Variants in MAPK10 observed in about 807,000 individuals in gnomAD.
MAPK10 encodes the protein mitogen-activated protein kinase 10, also known as JNK3 alpha protein kinase.
MAPK10 carries 25 observed loss-of-function variants against 59.3 expected under a neutral mutation model. The observed-to-expected ratio is 0.42, with a 90% confidence interval of 0.31 to 0.59. MAPK10 has a LOEUF of 0.59. MAPK10 is among the 20% of genes least tolerant of loss of function. MAPK10 has a pLI of 0.15. For missense variants in MAPK10, 351 were observed against 568.9 expected, an observed-to-expected ratio of 0.62 and a Z score of 3.90; for synonymous variants, 190 against 200.5, an observed-to-expected ratio of 0.95 and a Z score of 0.44.
chr4:86,375,932 A>G (rs1349637971), intron 1 of MAPK10, among the ~76,000 whole-genome samples: 1 of 152,074 alleles, frequency 6.6e-6, no homozygotes, highest in Non-Finnish European at 1.5e-5. Context: ...TCTCAGTTCC[A>G]CATGTTTAAC....
chr4:86,564,951 T>C (rs778450236), intron 1 of MAPK10, among the ~76,000 whole-genome samples: 11 of 152,156 alleles, frequency 7.2e-5, no homozygotes, highest in Non-Finnish European at 1.3e-4. Context: ...GCTTAATGAT[T>C]TGGCATCTCG....
At chr4:86,362,760 CA>C (rs1473647695), upstream of MAPK10, among the ~76,000 whole-genome samples, 1 of 152,054 alleles carries the variant, frequency 6.6e-6, no homozygotes, top group African/African-American at 2.4e-5. Context: ...TTCATGCCCA[CA>C]AAAGTGACTA....
chr4:86,264,655 T>G (rs1239844930), intron 2 of MAPK10, among the ~76,000 whole-genome samples: 1 of 152,212 alleles, frequency 6.6e-6, no homozygotes, highest in Non-Finnish European at 1.5e-5. Flanking sequence ...AAACTTAATT[T>G]ACAGTGAGAT....
rs575017639 is a variant in MAPK10, at chr4:86,290,018, T to C, written c.-7+64512A>G. 1.1e-3 allele frequency among the ~76,000 whole-genome samples: 171 copies of C among 152,294 alleles called. 1 individual carries two copies. The highest frequency in any genetic ancestry group is 2.1e-3 in the South Asian group (10 of 4,828). On this transcript the variant is annotated intron_variant, in intron 2 of 13. Transcript: ENST00000641462. ...AATTTGAGATGAGTATTTGACTGTG[T>C]AGATGAAATGTTAAGTGAGCAATTG...
intron 3 of MAPK10, among the ~76,000 whole-genome samples, chr4:86,178,101 C>T (rs2076096185): frequency 1.3e-5 from 2 of 151,918 alleles, no homozygotes; most frequent in Admixed American, 1.3e-4. Flanking sequence ...TTTCTTATCT[C>T]CAGTAGTATT....
chr4:86,313,330 A>G (rs762553876), intron 2 of MAPK10, among the ~76,000 whole-genome samples: 2 of 152,138 alleles, frequency 1.3e-5, no homozygotes, highest in Non-Finnish European at 2.9e-5. Context: ...ATAGGCAAAT[A>G]TTTCTTCAAA....
At chr4:86,092,374 T>C (rs2053410776) in intron 9 of MAPK10, among the ~76,000 whole-genome samples, 1 of 152,000 alleles carries the variant, frequency 6.6e-6, no homozygotes, top group African/African-American at 2.4e-5. Context: ...ATTACAAAAA[T>C]TGAATATATG....
At position 86,415,407 on chromosome 4, in the gene MAPK10, A is replaced by C. The variant is rs1179970485; in HGVS notation, c.-122+37623T>G. Among the ~76,000 whole-genome samples, 12 of 152,316 alleles carry C rather than the reference A, an allele frequency of 7.9e-5. No homozygotes were observed. In the East Asian group the frequency reaches 2.3e-3, roughly 29 times the overall value. ...TAAGGGCAAATAGAGTTCTCCTATG[A>C]AAAACTGTAAGGCAGCATTATTACA... On this transcript the variant is annotated intron_variant, in intron 1 of 13. Transcript: ENST00000361569.
chr4:86,346,660 A>G (rs1012564165), intron 2 of MAPK10, among the ~76,000 whole-genome samples: 8 of 151,782 alleles, frequency 5.3e-5, no homozygotes, highest in Non-Finnish European at 1.2e-4. Context: ...TCAGCCTTAT[A>G]GGAAAAGTCA....
At chr4:86,386,167 C>T (rs1741430206) in intron 1 of MAPK10, among the ~76,000 whole-genome samples, 1 of 152,216 alleles carries the variant, frequency 6.6e-6, no homozygotes, top group Admixed American at 6.5e-5. Flanking sequence ...CTACACAACA[C>T]TACATCTCTA....
chr4:86,437,987 A>C (rs1455095490), intron 1 of MAPK10, among the ~76,000 whole-genome samples: 1 of 152,266 alleles, frequency 6.6e-6, no homozygotes, highest in Non-Finnish European at 1.5e-5. Context: ...AGTCAAACAA[A>C]AATGAAAGTA....
chr4:86,424,207 T>G (rs1173443171), intron 1 of MAPK10, among the ~76,000 whole-genome samples: 1 of 152,052 alleles, frequency 6.6e-6, no homozygotes, highest in African/African-American at 2.4e-5. Flanking sequence ...ATTTTTATTG[T>G]TTTTATTTAT....
At chr4:86,032,344 G>GA (rs1232371021) in intron 11 of MAPK10, 24 of 145,826 alleles carry the variant, frequency 1.6e-4, no homozygotes, top group South Asian at 4.4e-4. Flanking sequence ...GATATGGAAA[G>GA]AAAAAAAAAA....
At chr4:86,324,207 G>A (rs568557183) in intron 2 of MAPK10, among the ~76,000 whole-genome samples, 1 of 152,182 alleles carries the variant, frequency 6.6e-6, no homozygotes, top group African/African-American at 2.4e-5. Context: ...AGGAGTTCGA[G>A]ACCAGCCTGA....
At chr4:86,259,747 C>T (rs975450859) in intron 2 of MAPK10, among the ~76,000 whole-genome samples, 22 of 152,014 alleles carry the variant, frequency 1.4e-4, no homozygotes, top group Middle Eastern at 3.4e-3. Context: ...ACAACATTAC[C>T]ATCCAAGCCA....
At chr4:86,378,321 A>G (rs1275551791) in intron 1 of MAPK10, among the ~76,000 whole-genome samples, 1 of 151,966 alleles carries the variant, frequency 6.6e-6, no homozygotes, top group Non-Finnish European at 1.5e-5. Context: ...GCACTTGCTG[A>G]TCCTCCTGTC....
intron 1 of MAPK10, among the ~76,000 whole-genome samples, chr4:86,445,350 A>G (rs1196560464): frequency 6.6e-6 from 1 of 152,198 alleles, no homozygotes; most frequent in Non-Finnish European, 1.5e-5. Flanking sequence ...GTTCTCACTT[A>G]TAAGTGTGAG....
At chr4:86,229,789 C>T (rs2091260772) in intron 2 of MAPK10, among the ~76,000 whole-genome samples, 1 of 151,982 alleles carries the variant, frequency 6.6e-6, no homozygotes, top group Admixed American at 6.5e-5. Context: ...GGCATGGTGG[C>T]TCATGCCTAT....
chr4:86,475,273 A>T (rs2149067835), intron 1 of MAPK10, among the ~76,000 whole-genome samples: 1 of 152,280 alleles, frequency 6.6e-6, no homozygotes, highest in South Asian at 2.1e-4. Flanking sequence ...TTGGGAGATC[A>T]ATCCCCTGTC....
Sources: gnomAD v4.1 joint callset for allele counts (sites outside exome capture counted in the v4.1 genomes callset) on GRCh38, gnomAD v4.1.1 for gene constraint, MANE v1.5 for transcripts, NCBI Gene and HGNC (gene_info 2026-07-23, HGNC 2026-07-21) for gene names.